SHTN1: variants seen among roughly 807,000 people sequenced by gnomAD.
The protein encoded by SHTN1 is shootin 1, also known as shootin-1.
SHTN1 carries 42 observed loss-of-function variants against 83.1 expected under a neutral mutation model. The ratio of observed to expected loss-of-function variants is 0.51; its 90% confidence interval spans 0.39 to 0.65. SHTN1 has a LOEUF of 0.65. SHTN1 is among the 30% of genes least tolerant of loss of function. The pLI, the probability that SHTN1 is intolerant of heterozygous loss-of-function variation, is 0.00. For missense variants in SHTN1, 622 were observed against 737.8 expected (o/e 0.84, Z 1.82); for synonymous variants, 224 against 247.7 (o/e 0.90, Z 0.90).
At chr10:117,017,573 C>A (rs1852198314) in intron 2 of SHTN1, among the ~76,000 whole-genome samples, 1 of 151,096 alleles carries the variant, frequency 6.6e-6, no homozygotes, top group South Asian at 2.1e-4. Flanking sequence ...TGAGTTCATA[C>A]TGATATAAAT....
chr10:117,114,179 A>AG (rs1254828337), intron 1 of SHTN1, among the ~76,000 whole-genome samples: 1 of 152,366 alleles, frequency 6.6e-6, no homozygotes, highest in East Asian at 1.9e-4. Context: ...ACTGTACTCC[A>AG]GTCTGGGTGA....
intron 1 of SHTN1, among the ~76,000 whole-genome samples, chr10:117,095,018 G>C (rs967045265): frequency 1.3e-5 from 2 of 152,162 alleles, no homozygotes; most frequent in Admixed American, 6.6e-5. Flanking sequence ...TCACATCTGT[G>C]GTGTCTACAA....
At chr10:117,123,907 C>CAA (rs368750401) in intron 1 of SHTN1, among the ~76,000 whole-genome samples, 20,756 of 81,070 alleles carry the variant, frequency 0.26, 1,943 homozygotes, top group East Asian at 0.35. Flanking sequence ...CCCTGTCTCA[C>CAA]AAAAAAAAAA....
chr10:116,903,880 G>A (rs567305818), intron 15 of SHTN1, among the ~76,000 whole-genome samples: 2 of 152,302 alleles, frequency 1.3e-5, no homozygotes, highest in Admixed American at 6.5e-5. Flanking sequence ...CCGTTTAAGA[G>A]TATTATTATT....
chr10:117,107,680 T>C (rs1853691803), intron 1 of SHTN1, among the ~76,000 whole-genome samples: 1 of 152,160 alleles, frequency 6.6e-6, no homozygotes, highest in Non-Finnish European at 1.5e-5. Flanking sequence ...AAACTCTAAC[T>C]AGCCAAGTCT....
intron 2 of SHTN1, among the ~76,000 whole-genome samples, chr10:117,017,934 A>T (rs1219344679): frequency 2.6e-5 from 4 of 152,212 alleles, no homozygotes; most frequent in Admixed American, 6.5e-5. Context: ...ATAATAATAA[A>T]AAAAGAAAGA....
chr10:117,018,431 A>C (rs1376196050), intron 2 of SHTN1, among the ~76,000 whole-genome samples: 1 of 152,008 alleles, frequency 6.6e-6, no homozygotes, highest in African/African-American at 2.4e-5. Context: ...ATATCAATTC[A>C]TGATGAAAAC....
chr10:116,962,937 A>G (rs1009520997), intron 3 of SHTN1, among the ~76,000 whole-genome samples: 1 of 152,142 alleles, frequency 6.6e-6, no homozygotes, highest in African/African-American at 2.4e-5. Context: ...ATCTTTAAAA[A>G]GCATGACCCC....
At chr10:116,908,614 T>G (rs1848068388) in intron 14 of SHTN1, among the ~76,000 whole-genome samples, 1 of 152,216 alleles carries the variant, frequency 6.6e-6, no homozygotes, top group Non-Finnish European at 1.5e-5. Flanking sequence ...CTACATTGTT[T>G]CAATAGCAAG....
chr10:117,017,801 A>G (rs368516583), intron 2 of SHTN1, among the ~76,000 whole-genome samples: 1 of 152,182 alleles, frequency 6.6e-6, no homozygotes, highest in Non-Finnish European at 1.5e-5. Context: ...AGTTTAACTA[A>G]GTGATCAAGG....
Position 116,968,618 on chromosome 10 carries a change from G to T in SHTN1, c.172+34C>A, listed in dbSNP as rs142906790. ...TCACATAATCCCCAATAGGCTATAT[G>T]TGTTATAATAATTCCACTGAAATGC... is the stretch of plus-strand genomic sequence containing the variant. On this transcript the variant is annotated intron_variant, in intron 3 of 16. Transcript: ENST00000355371. 12 of 1,482,104 alleles carry T rather than the reference G, an allele frequency of 8.1e-6. No individual in the cohort carries two copies. In the Admixed American group the frequency reaches 1.7e-4, roughly 21 times the overall value. 91.8% of individuals were successfully genotyped at this position (1,482,104 alleles called of 1,614,324 possible).
chr10:117,103,793 C>T (rs1490975476), intron 1 of SHTN1, among the ~76,000 whole-genome samples: 1 of 152,094 alleles, frequency 6.6e-6, no homozygotes, highest in Non-Finnish European at 1.5e-5. Flanking sequence ...TCCTTGGCCT[C>T]CCAAAGTGCT....
chr10:117,015,546 G>C (rs1852169469), intron 2 of SHTN1, among the ~76,000 whole-genome samples: 1 of 152,088 alleles, frequency 6.6e-6, no homozygotes, highest in Admixed American at 6.6e-5. Context: ...GGTCAGGCTG[G>C]TCTCGAACTT....
chr10:116,921,545 A>C (rs763875346), intron 11 of SHTN1, 29 bp from the exon 12 acceptor site: 6 of 1,533,740 alleles, frequency 3.9e-6, no homozygotes, highest in East Asian at 4.5e-5. Flanking sequence ...GATCAACAGG[A>C]GATTACTGGA....
chr10:116,925,604 A>G (rs978767904), intron 11 of SHTN1, among the ~76,000 whole-genome samples: 3 of 152,112 alleles, frequency 2.0e-5, no homozygotes, highest in Non-Finnish European at 2.9e-5. Flanking sequence ...ATATCTGCCT[A>G]TATCTGTATC....
At chr10:116,923,840 T>G (rs1208407207) in intron 11 of SHTN1, among the ~76,000 whole-genome samples, 3 of 152,230 alleles carry the variant, frequency 2.0e-5, no homozygotes, top group African/African-American at 4.8e-5. Flanking sequence ...CGTGAGCCAC[T>G]GTGCCCAGCC....
rs59129110 is a variant in SHTN1, at chr10:116,899,546, T to TGA, written c.1673+2217_1673+2218dup. On this transcript the variant is annotated intron_variant, in intron 16 of 16. Transcript: ENST00000355371. ...GTGTGTGTGTGTGTGTGTGTGTGTG[T>TGA]GAGAGAGTGCATGCATACATATGTT... Among the ~76,000 whole-genome samples the TGA allele has an allele frequency of 3.0e-3, 366 of 123,872 alleles. 2 individuals carry two copies. The highest frequency in any genetic ancestry group is 3.5e-3 in the African/African-American group (121 of 34,434). 81.3% of individuals were successfully genotyped at this position (123,872 alleles called of 152,430 possible).
At chr10:116,924,746 A>ATTTT (rs201343735) in intron 11 of SHTN1, among the ~76,000 whole-genome samples, 61 of 89,540 alleles carry the variant, frequency 6.8e-4, no homozygotes, top group Admixed American at 1.6e-3. Flanking sequence ...ATTTTCACCT[A>ATTTT]TTTTTTTTTT....
chr10:116,909,409 T>C (rs902665214), intron 14 of SHTN1, among the ~76,000 whole-genome samples: 1 of 152,186 alleles, frequency 6.6e-6, no homozygotes, highest in Admixed American at 6.5e-5. Flanking sequence ...TTGCTTTTAG[T>C]TCTTTGATTT....
Sources: allele counts gnomAD v4.1 joint callset (sites outside exome capture counted in the v4.1 genomes callset), GRCh38; gene constraint gnomAD v4.1.1; transcripts MANE v1.5; gene names NCBI Gene and HGNC (gene_info 2026-07-23, HGNC 2026-07-21).